Variants in FRMD5 observed in about 807,000 individuals in gnomAD.
FRMD5 encodes FERM domain containing 5.
FRMD5 carries 20 observed loss-of-function variants against 69.0 expected under a neutral mutation model. The ratio of observed to expected loss-of-function variants is 0.29; its 90% confidence interval spans 0.20 to 0.42. The LOEUF (loss-of-function observed/expected upper bound fraction) is 0.42, where lower values mean the gene tolerates loss of function less well. FRMD5 is among the 10% of genes least tolerant of loss of function. FRMD5 has a pLI of 1.00. For synonymous variants in FRMD5, 271 were observed against 260.1 expected (o/e 1.04, Z -0.40); for missense variants, 595 against 708.6 (o/e 0.84, Z 1.82).
chr15:44,132,010 C>G (rs2077106804), intron 1 of FRMD5, among the ~76,000 whole-genome samples: 1 of 151,786 alleles, frequency 6.6e-6, no homozygotes, highest in South Asian at 2.1e-4. Context: ...CAGTAGGAGC[C>G]CTGAGGTTTT....
At chr15:43,959,017 A>C (rs952911310) in intron 1 of FRMD5, among the ~76,000 whole-genome samples, 2 of 152,226 alleles carry the variant, frequency 1.3e-5, no homozygotes, top group African/African-American at 2.4e-5. Context: ...GGGAGCTGAA[A>C]AAAAGCCTTC....
At chr15:44,003,602 T>C (rs948194090) in intron 1 of FRMD5, among the ~76,000 whole-genome samples, 2 of 152,170 alleles carry the variant, frequency 1.3e-5, no homozygotes, top group Admixed American at 6.5e-5. Context: ...GCTATAATCT[T>C]ATTTATGCCC....
At chr15:44,137,687 T>C (rs1820484) in intron 1 of FRMD5, among the ~76,000 whole-genome samples, 15,889 of 152,114 alleles carry the variant, frequency 0.1, 1,280 homozygotes, top group African/African-American at 0.23. Context: ...TATATGATAG[T>C]AATTATTTAG....
At chr15:44,096,554 C>A (rs1018876124) in intron 1 of FRMD5, among the ~76,000 whole-genome samples, 1 of 151,898 alleles carries the variant, frequency 6.6e-6, no homozygotes, top group Non-Finnish European at 1.5e-5. Flanking sequence ...AGGCATGAGC[C>A]ACCACACTCA....
chr15:44,119,461 A>G (rs1260420196), intron 1 of FRMD5, among the ~76,000 whole-genome samples: 2 of 152,060 alleles, frequency 1.3e-5, no homozygotes, highest in Non-Finnish European at 2.9e-5. Context: ...TCTTGTTTCC[A>G]AAGTTTAAAC....
At position 44,088,683 on chromosome 15, in the gene FRMD5, T is replaced by C. The variant is rs1441483395; in HGVS notation, c.102+106270A>G. Reference sequence around the variant, plus strand: ...TGGAGGCTATCAGTTATTCATTCCATACCATATGCCAGGCACTATGATGTA... The same window carrying C: ...TGGAGGCTATCAGTTATTCATTCCACACCATATGCCAGGCACTATGATGTA... On this transcript the variant is annotated intron_variant, in intron 1 of 13. Coordinates refer to ENST00000417257, the MANE Select transcript of FRMD5 (RefSeq NM_032892.5). Among the ~76,000 whole-genome samples the C allele has an allele frequency of 3.3e-5, 5 of 152,212 alleles. No homozygotes were observed. In the East Asian group the frequency reaches 9.6e-4, roughly 29 times the overall value.
At chr15:44,135,438 A>G (rs895962856) in intron 1 of FRMD5, among the ~76,000 whole-genome samples, 5 of 152,188 alleles carry the variant, frequency 3.3e-5, no homozygotes, top group African/African-American at 1.2e-4. Flanking sequence ...TTCAGTTACA[A>G]TTATAACATA....
chr15:43,986,756 T>C (rs911482461), intron 1 of FRMD5, among the ~76,000 whole-genome samples: 5 of 152,008 alleles, frequency 3.3e-5, no homozygotes, highest in African/African-American at 9.7e-5. Context: ...CCTGGTTTTA[T>C]TGTGCTTCAC....
chr15:43,905,773 G>A (rs2089156134), intron 6 of FRMD5, 55 bp downstream of exon 6: 23 of 1,607,552 alleles, frequency 1.4e-5, no homozygotes, highest in Middle Eastern at 2.1e-4. Flanking sequence ...TGGAGCCTGC[G>A]TGCTCAGGCT....
At chr15:43,969,113 G>A (rs1423930280) in intron 1 of FRMD5, among the ~76,000 whole-genome samples, 1 of 150,746 alleles carries the variant, frequency 6.6e-6, no homozygotes, top group African/African-American at 2.4e-5. Flanking sequence ...TTGGAGACAG[G>A]ATCTTGCTCT....
In FRMD5 at chr15:43,948,873, T is replaced by C. The variant is rs1432252218; in HGVS notation, c.103-24564A>G. The stretch of plus-strand genomic sequence containing the variant: ...TCACATGCAAATCTTCTAAGAACCT[T>C]GATGGGTTGCAAATGAGATGAAAAT... On this transcript the variant is annotated intron_variant, in intron 1 of 13. Coordinates refer to ENST00000417257, the MANE Select transcript of FRMD5 (RefSeq NM_032892.5). 2.0e-5 allele frequency among the ~76,000 whole-genome samples: 3 copies of C among 152,212 alleles called. No homozygotes were observed. The East Asian group carries it at 5.8e-4, about 29-fold the overall frequency.
At chr15:43,884,898 T>C (rs1196065898) in intron 11 of FRMD5, 103 bp from the exon 12 acceptor site, 1 of 986,542 alleles carries the variant, frequency 1.0e-6, no homozygotes, top group African/African-American at 1.6e-5. Context: ...GGAAATGGCA[T>C]CTGTGGCCCA....
intron 1 of FRMD5, among the ~76,000 whole-genome samples, chr15:44,172,402 G>C (rs2077821500): frequency 6.6e-6 from 1 of 151,922 alleles, no homozygotes; most frequent in East Asian, 1.9e-4. Flanking sequence ...TCAGGTGTGA[G>C]CCACCATACC....
At chr15:43,989,938 A>C (rs1889589867) in intron 1 of FRMD5, 1 of 1,140,786 alleles carries the variant, frequency 8.8e-7, no homozygotes, top group African/African-American at 1.5e-5. Context: ...GATCTTCTCC[A>C]TGTCGTCCCA....
intron 13 of FRMD5, chr15:43,879,900 C>CT (rs2088476617): frequency 2.7e-6 from 1 of 367,366 alleles, no homozygotes; most frequent in Non-Finnish European, 4.8e-6. Context: ...AGGAGCAGCT[C>CT]TGAGAGGCCA....
intron 1 of FRMD5, among the ~76,000 whole-genome samples, chr15:44,098,117 A>AC (rs2076580496): frequency 9.6e-6 from 1 of 103,912 alleles, no homozygotes; most frequent in Non-Finnish European, 2.0e-5. Context: ...TGACAAAACA[A>AC]AAAAAAAAAA....
intron 1 of FRMD5, among the ~76,000 whole-genome samples, chr15:43,979,187 A>C (rs2090510163): frequency 1.3e-5 from 2 of 152,238 alleles, no homozygotes; most frequent in Non-Finnish European, 2.9e-5. Context: ...AAAAAATACA[A>C]AATTAGCCAA....
intron 1 of FRMD5, among the ~76,000 whole-genome samples, chr15:44,138,982 G>T (rs527321933): frequency 7.9e-5 from 12 of 152,234 alleles, no homozygotes; most frequent in African/African-American, 2.9e-4. Context: ...CTGTTGGTGA[G>T]CACAGGATTT....
intron 1 of FRMD5, among the ~76,000 whole-genome samples, chr15:44,187,549 C>T (rs890717809): frequency 6.8e-6 from 1 of 146,548 alleles, no homozygotes; most frequent in Non-Finnish European, 1.5e-5. Flanking sequence ...CATCCCCATG[C>T]CATTTTTGCT....
Sources: gnomAD v4.1 joint callset for allele counts (sites outside exome capture counted in the v4.1 genomes callset) on GRCh38, gnomAD v4.1.1 for gene constraint, MANE v1.5 for transcripts, NCBI Gene and HGNC (gene_info 2026-07-23, HGNC 2026-07-21) for gene names.